The following ADAP2 variants were observed in gnomAD, a reference collection of about 807,000 sequenced individuals.
ADAP2 encodes the protein ArfGAP with dual PH domains 2, also known as arf-GAP with dual PH domain-containing protein 2.
Under a neutral mutation model 54.9 loss-of-function variants are expected in ADAP2, and 42 were observed. The ratio of observed to expected loss-of-function variants is 0.77; its 90% confidence interval spans 0.60 to 0.99. The LOEUF (loss-of-function observed/expected upper bound fraction) is 0.99. Among genes scored for constraint, ADAP2 ranks in the 50% least tolerant of loss-of-function variants. ADAP2 has a pLI of 0.00. For synonymous variants in ADAP2, 177 were observed against 180.1 expected (o/e 0.98, Z 0.14); for missense variants, 429 against 480.4 (o/e 0.89, Z 1.00).
intron 8 of ADAP2, chr17:30,954,214 G>A (rs1194160013): frequency 2.9e-6 from 1 of 350,558 alleles, no homozygotes; most frequent in African/African-American, 2.0e-5. Context: ...CTGAAAAAGA[G>A]GAAGGTGCCT....
intron 6 of ADAP2, 95 bp from the exon 7 acceptor site, chr17:30,949,192 C>A: frequency 2.1e-6 from 2 of 975,336 alleles, no homozygotes; most frequent in Non-Finnish European, 3.2e-6. Flanking sequence ...ATGTGCCCCA[C>A]ACCCAATGCC....
At chr17:30,924,435 T>G (rs1178659658) in intron 2 of ADAP2, among the ~76,000 whole-genome samples, 1 of 151,730 alleles carries the variant, frequency 6.6e-6, no homozygotes, top group Admixed American at 6.6e-5. Context: ...GGAAATAACC[T>G]GATTTGTGGT....
chr17:30,953,445 G>T, intron 8 of ADAP2, 95 bp downstream of exon 8: 15 of 1,355,568 alleles, frequency 1.1e-5, no homozygotes, highest in Non-Finnish European at 1.5e-5. Context: ...GACAGTGAAA[G>T]GTGTTAGGCC....
chr17:30,943,365 GA>G (rs985418929), intron 5 of ADAP2, among the ~76,000 whole-genome samples: 35 of 133,960 alleles, frequency 2.6e-4, no homozygotes, highest in East Asian at 4.3e-4. Context: ...AACTCAGTCT[GA>G]AAAAAAAAAA....
intron 10 of ADAP2, 160 bp downstream of exon 10, chr17:30,956,629 C>G (rs903516602): frequency 5.4e-6 from 4 of 746,726 alleles, no homozygotes; most frequent in Middle Eastern, 3.8e-4. Flanking sequence ...CACAGACATG[C>G]CATTATTGCC....
At chr17:30,936,082 G>A (rs1911851498) in intron 5 of ADAP2, among the ~76,000 whole-genome samples, 1 of 151,956 alleles carries the variant, frequency 6.6e-6, no homozygotes, top group Non-Finnish European at 1.5e-5. Context: ...ACTAGCCCTA[G>A]GCAACCAACA....
intron 2 of ADAP2, among the ~76,000 whole-genome samples, chr17:30,923,829 A>G (rs1018345579): frequency 2.7e-5 from 4 of 148,828 alleles, no homozygotes; most frequent in Non-Finnish European, 5.9e-5. Context: ...CCTCCTGAGT[A>G]GCTGGGATTA....
chr17:30,926,564 G>A (rs1161854038), intron 2 of ADAP2, among the ~76,000 whole-genome samples: 1 of 152,162 alleles, frequency 6.6e-6, no homozygotes, highest in African/African-American at 2.4e-5. Flanking sequence ...TGTAAAATGA[G>A]TACAGTGATA....
chr17:30,958,763 C>A lies in ADAP2; in HGVS notation c.*894C>A, dbSNP rs1419580795. The stretch of plus-strand genomic sequence containing the variant: ...AATTAGCTGGACATGGTAATGAATG[C>A]CTGTAGTCCCAGCTACTCCGGACAC... On this transcript the variant is annotated 3_prime_UTR_variant, in exon 11 of 11. Transcript: ENST00000330889. The A allele has an allele frequency of 2.0e-5, 3 of 152,132 alleles. No individual in the cohort carries two copies. Among genetic ancestry groups the A allele is most frequent in the African/African-American group, 7.2e-5 (3 of 41,394 alleles). 9.4% of individuals were successfully genotyped at this position (152,132 alleles called of 1,614,324 possible).
chr17:30,935,677 GA>G (rs1215463123), intron 5 of ADAP2, among the ~76,000 whole-genome samples: 1 of 152,218 alleles, frequency 6.6e-6, no homozygotes, highest in Non-Finnish European at 1.5e-5. Context: ...TCGAAAATCA[GA>G]AGCCTGGTTT....
At chr17:30,947,607 C>G (rs938604669) in intron 6 of ADAP2, among the ~76,000 whole-genome samples, 5 of 152,202 alleles carry the variant, frequency 3.3e-5, no homozygotes, top group African/African-American at 1.2e-4. Context: ...CCCGCCTCGG[C>G]CTCCCAGAGT....
intron 6 of ADAP2, among the ~76,000 whole-genome samples, chr17:30,945,700 G>A (rs1912613024): frequency 6.6e-6 from 1 of 151,930 alleles, no homozygotes; most frequent in African/African-American, 2.4e-5. Context: ...AGGCTGCAGT[G>A]AGCCATGATC....
At chr17:30,952,896 C>T (rs1346631667) in intron 7 of ADAP2, among the ~76,000 whole-genome samples, 8 of 152,150 alleles carry the variant, frequency 5.3e-5, no homozygotes, top group African/African-American at 1.4e-4. Context: ...CTGGTTTCTT[C>T]AGATGTGTAA....
chr17:30,927,060 C>T (rs767708788), intron 3 of ADAP2, 142 bp downstream of exon 3: 12 of 649,784 alleles, frequency 1.8e-5, no homozygotes, highest in Non-Finnish European at 2.7e-5. Context: ...GCACTGGATA[C>T]CATCACAGAG....
chr17:30,925,561 C>T (rs1910982948), intron 2 of ADAP2, among the ~76,000 whole-genome samples: 1 of 150,164 alleles, frequency 6.7e-6, no homozygotes, highest in South Asian at 2.1e-4. Context: ...TCTTCTTCTT[C>T]TTCTTCTCTT....
chr17:30,931,832 A>AC, intron 3 of ADAP2, 57 bp from the exon 4 acceptor site: 1 of 1,181,312 alleles, frequency 8.5e-7, no homozygotes, highest in Middle Eastern at 2.1e-4. Context: ...CTGTCTCAAA[A>AC]AAAAAAAAAA....
In ADAP2 at chr17:30,945,002, C is replaced by A. The variant is rs767668212; in HGVS notation, c.606C>A (p.Tyr202Ter). 6.2e-7 allele frequency: 1 copy of A among 1,614,118 alleles called. No individual in the cohort carries two copies. Among genetic ancestry groups the A allele is most frequent in the African/African-American group, 1.3e-5 (1 of 75,020 alleles). The change falls in exon 6 of 11, where the codon TAC (tyrosine) becomes TAA (stop). Residue 202 changes from tyrosine to a stop codon, truncating the protein, a stop_gained. Transcript: ENST00000330889. LOFTEE classifies it high-confidence loss of function. ...IGHPHGLQIT[Y>*]RRDGHTRNLF... ...ACCCCCATGGGCTGCAGATCACCTA[C>A]AGGAGAGATGGCCACACCAGGAACC...
In ADAP2 at chr17:30,953,329, C is replaced by T. The variant is rs1001991044; in HGVS notation, c.783C>T (p.Phe261=). 4.3e-6 allele frequency: 7 copies of T among 1,614,012 alleles called. No individual in the cohort carries two copies. Among genetic ancestry groups the T allele is most frequent in the East Asian group, 4.5e-5 (2 of 44,870 alleles). ...CCAGGAACTACCTCAAACAAGGCTT[C>T]ATGGAAAAGACTGGGCCAAAGGTAC... ...FLTRNYLKQG[F]MEKTGPKQKE... is the part of the protein sequence containing the mutation. Residue 261 remains phenylalanine (F), a synonymous_variant, in exon 8 of 11, where the codon TTC becomes TTT. Coordinates refer to ENST00000330889, the MANE Select transcript of ADAP2 (RefSeq NM_018404.3).
rs995064879 is a variant in ADAP2 at position 30,958,725 on chromosome 17, A to G, written c.*856A>G. On this transcript the variant is annotated 3_prime_UTR_variant, in exon 11 of 11. Transcript: ENST00000330889. ...GGCAACATAGTGAGACCCCATCTCT[A>G]CAAAGAAAAAAAAATTAGCTGGACA... 6.6e-6 allele frequency: 1 copy of G among 152,196 alleles called. No homozygotes were observed. Among genetic ancestry groups the G allele is most frequent in the Non-Finnish European group, 1.5e-5 (1 of 68,104 alleles). 9.4% of individuals were successfully genotyped at this position (152,196 alleles called of 1,614,324 possible). A position where few individuals can be genotyped will look rare whatever the true frequency, so the allele number is the denominator to read the frequency against.
Sources: allele counts gnomAD v4.1 joint callset (sites outside exome capture counted in the v4.1 genomes callset), GRCh38; gene constraint gnomAD v4.1.1; transcripts MANE v1.5; gene names NCBI Gene and HGNC (gene_info 2026-07-23, HGNC 2026-07-21).